The following LY75 variants were observed in gnomAD, a reference collection of about 807,000 sequenced individuals.
LY75 encodes C-type lectin domain family 13 member B.
In LY75, 185 loss-of-function variants were observed where a neutral mutation model predicts 231.7. The observed-to-expected ratio is 0.80, with a 90% CI of 0.71 to 0.90. The LOEUF is 0.90. LY75 is among the 40% of genes least tolerant of loss of function. LY75 has a pLI of 0.00. For synonymous variants in LY75, 668 were observed against 689.0 expected (o/e 0.97, Z 0.48); for missense variants, 1,947 against 2,050.2 (o/e 0.95, Z 0.97).
intron 29 of LY75, among the ~76,000 whole-genome samples, chr2:159,819,094 C>T (rs934311437): frequency 2.0e-5 from 3 of 152,156 alleles, no homozygotes; most frequent in Admixed American, 1.3e-4. Context: ...TGGGAAGTGA[C>T]TGCGGCGCTG....
intron 25 of LY75, among the ~76,000 whole-genome samples, chr2:159,835,995 C>T (rs1185480323): frequency 6.6e-6 from 1 of 152,156 alleles, no homozygotes; most frequent in Non-Finnish European, 1.5e-5. Flanking sequence ...TGCTACGCTG[C>T]CTCACACATA....
chr2:159,832,468 T>G (rs905146776), intron 27 of LY75, among the ~76,000 whole-genome samples: 4 of 152,220 alleles, frequency 2.6e-5, no homozygotes, highest in African/African-American at 4.8e-5. Flanking sequence ...TCCCTGTCAG[T>G]GCCAAAAAGG....
chr2:159,858,354 C>T lies in LY75; in HGVS notation c.2383+8G>A, dbSNP rs758059109. The T allele has an allele frequency of 6.8e-6, 11 of 1,612,114 alleles. No individual in the cohort carries two copies. The highest frequency in any genetic ancestry group is 7.6e-6 in the Non-Finnish European group (9 of 1,179,190). ...AGAAGGTTGTGAAAAGGAATAACTACCACTTACCTTTTGGAATTTGGCACA... is the reference window on the plus strand; with the variant it reads ...AGAAGGTTGTGAAAAGGAATAACTATCACTTACCTTTTGGAATTTGGCACA... On this transcript the variant is annotated splice_region_variant and intron_variant, in intron 16 of 34. Transcript: ENST00000263636.
At chr2:159,826,083 A>G (rs1209748815) in intron 28 of LY75, among the ~76,000 whole-genome samples, 2 of 152,202 alleles carry the variant, frequency 1.3e-5, no homozygotes, top group Non-Finnish European at 2.9e-5. Flanking sequence ...CCTGTTCAAC[A>G]TAGTATTGGA....
chr2:159,843,448 T>C (rs13389661), intron 23 of LY75, among the ~76,000 whole-genome samples: 6,251 of 151,444 alleles, frequency 0.041, 404 homozygotes, highest in African/African-American at 0.14. Flanking sequence ...AATACCAAAA[T>C]GTAACAATCA....
chr2:159,879,191 T>G, intron 9 of LY75, 68 bp downstream of exon 9: 1 of 1,534,860 alleles, frequency 6.5e-7, no homozygotes, highest in Non-Finnish European at 8.8e-7. Context: ...TATTTAAGTC[T>G]CAGCTACCAT....
intron 5 of LY75, among the ~76,000 whole-genome samples, chr2:159,885,750 A>G (rs946392084): frequency 3.3e-5 from 5 of 152,200 alleles, no homozygotes; most frequent in Non-Finnish European, 5.9e-5. Context: ...TAAATTAACT[A>G]AAGTGGCTAA....
Position 159,850,056 on chromosome 2 carries a change from C to T in LY75, c.3074G>A (p.Trp1025Ter), listed in dbSNP as rs1425723911. 1 of 1,613,956 alleles carries T rather than the reference C, an allele frequency of 6.2e-7. No homozygotes were observed. The highest frequency in any genetic ancestry group is 1.1e-5 in the South Asian group (1 of 91,080). ...RWTAYEKINK[W>*]TDNRELTYSN... is the part of the protein sequence containing the mutation. ...GTACGTCAGCTCTCTGTTATCTGTC[C>T]ATTTGTTTATCTTTTCATAGGCAGT... Residue 1025 changes from tryptophan to a stop codon, truncating the protein, a stop_gained, in exon 23 of 35, where the codon TGG (tryptophan) becomes TAG (stop). Coordinates refer to ENST00000263636, the MANE Select transcript of LY75 (RefSeq NM_002349.4). LOFTEE classifies it high-confidence loss of function.
chr2:159,904,478 A>C, intron 1 of LY75, 111 bp downstream of exon 1: 1 of 1,226,678 alleles, frequency 8.2e-7, no homozygotes, highest in Admixed American at 3.7e-5. Flanking sequence ...CCCCAACAGC[A>C]AAGCAGCCGT....
intron 6 of LY75, among the ~76,000 whole-genome samples, chr2:159,884,259 G>A (rs532184576): frequency 6.6e-6 from 1 of 152,268 alleles, no homozygotes; most frequent in East Asian, 1.9e-4. Flanking sequence ...CCAGTCTTGG[G>A]TATGTCTTTA....
intron 28 of LY75, among the ~76,000 whole-genome samples, chr2:159,823,988 C>T (rs937126867): frequency 2.0e-5 from 3 of 152,142 alleles, no homozygotes; most frequent in Non-Finnish European, 4.4e-5. Context: ...CCAGCCACTG[C>T]AAAACATACC....
intron 2 of LY75, among the ~76,000 whole-genome samples, chr2:159,897,290 A>G (rs533612774): frequency 2.6e-5 from 4 of 152,340 alleles, no homozygotes; most frequent in East Asian, 3.9e-4. Flanking sequence ...GTTAAATCCA[A>G]TTAAAAGGCA....
Position 159,881,159 on chromosome 2 carries a change from GT to G in LY75, c.1327del (p.Thr443LeufsTer2). The G allele has an allele frequency of 6.2e-7, 1 of 1,613,896 alleles. No homozygotes were observed. The highest frequency in any genetic ancestry group is 8.5e-7 in the Non-Finnish European group (1 of 1,179,894). On this transcript the variant is annotated frameshift_variant, in exon 8 of 35. Coordinates refer to ENST00000263636, the MANE Select transcript of LY75 (RefSeq NM_002349.4). LOFTEE classifies it high-confidence loss of function. ...CTCATTCTCATCCCAATATGTTAGA[GT>G]AACTTCAGTACCATCTGACCACTGA... is the stretch of plus-strand genomic sequence containing the variant. The part of the protein sequence containing the change: ...LFQWSDGTEV[T>X]LTYWDENEPN...
intron 4 of LY75, among the ~76,000 whole-genome samples, chr2:159,888,672 A>C (rs966300680): frequency 1.3e-5 from 2 of 152,212 alleles, no homozygotes; most frequent in African/African-American, 4.8e-5. Flanking sequence ...TATAGCAATA[A>C]AGCTTACAGC....
intron 33 of LY75, chr2:159,807,647 G>A (rs528621928): frequency 1.0e-6 from 1 of 985,408 alleles, no homozygotes; most frequent in South Asian, 4.7e-5. Flanking sequence ...ACCTTGTGGT[G>A]ACAGTGTAAA....
intron 12 of LY75, among the ~76,000 whole-genome samples, chr2:159,875,023 T>C (rs1365752544): frequency 6.9e-6 from 1 of 145,242 alleles, no homozygotes; most frequent in Non-Finnish European, 1.5e-5. Context: ...TAAATATATA[T>C]ATTTGTATAT....
intron 1 of LY75, among the ~76,000 whole-genome samples, chr2:159,900,295 G>C (rs1218681147): frequency 6.6e-6 from 1 of 152,196 alleles, no homozygotes; most frequent in Non-Finnish European, 1.5e-5. Flanking sequence ...GCACACCTGA[G>C]TTTGTGGAAT....
intron 1 of LY75, among the ~76,000 whole-genome samples, chr2:159,901,458 C>G (rs1172608718): frequency 6.6e-6 from 1 of 152,242 alleles, no homozygotes; most frequent in Non-Finnish European, 1.5e-5. Flanking sequence ...TGTAGTCTTG[C>G]TGCTGTCTTT....
chr2:159,894,676 G>C lies in LY75; in HGVS notation c.467-592C>G, dbSNP rs146048976. On this transcript the variant is annotated intron_variant, in intron 2 of 34. Transcript: ENST00000263636. ...GGAAGAGCTGCTGAATTTCTGAGCA[G>C]ATTCTTGGGAAGGTACAAGGCATGG... Among the ~76,000 whole-genome samples, 18 of 152,310 alleles carry C rather than the reference G, an allele frequency of 1.2e-4. No individual in the cohort carries two copies. The East Asian group carries it at 3.5e-3, about 29-fold the overall frequency.
Sources: allele counts gnomAD v4.1 joint callset (sites outside exome capture counted in the v4.1 genomes callset), GRCh38; gene constraint gnomAD v4.1.1; transcripts MANE v1.5; gene names NCBI Gene and HGNC (gene_info 2026-07-23, HGNC 2026-07-21).